The following ARSB variants were observed in gnomAD, a reference collection of about 807,000 sequenced individuals.
The protein encoded by ARSB is N-acetylgalactosamine-4-sulfatase.
ARSB carries 41 observed loss-of-function variants against 50.9 expected under a neutral mutation model. That is an observed-to-expected ratio of 0.81 (90% CI 0.63 to 1.04). The LOEUF (loss-of-function observed/expected upper bound fraction) is 1.04. Among genes scored for constraint, ARSB ranks in the 50% least tolerant of loss-of-function variants. ARSB has a pLI of 0.00. For missense variants in ARSB, 672 were observed against 693.3 expected, an observed-to-expected ratio of 0.97 and a Z score of 0.35; for synonymous variants, 269 against 284.8, an observed-to-expected ratio of 0.94 and a Z score of 0.56.
intron 6 of ARSB, among the ~76,000 whole-genome samples, chr5:78,830,449 T>C (rs1384327525): frequency 1.3e-5 from 2 of 152,174 alleles, no homozygotes; most frequent in Non-Finnish European, 2.9e-5. Context: ...AAACATAAAA[T>C]TGGGGCAGCG....
intron 4 of ARSB, among the ~76,000 whole-genome samples, chr5:78,917,938 C>A (rs1369451874): frequency 6.6e-6 from 1 of 152,186 alleles, no homozygotes. Context: ...AGAGAACAGA[C>A]CAAGAGACAG....
At chr5:78,802,900 T>A (rs1743445449) in intron 6 of ARSB, among the ~76,000 whole-genome samples, 2 of 152,218 alleles carry the variant, frequency 1.3e-5, no homozygotes, top group South Asian at 4.1e-4. Flanking sequence ...AGGATAAAAC[T>A]GTGGTCCTAC....
intron 6 of ARSB, among the ~76,000 whole-genome samples, chr5:78,791,271 T>C (rs544237525): frequency 4.1e-4 from 63 of 152,368 alleles, no homozygotes; most frequent in African/African-American, 1.5e-3. Context: ...ACAGGCAAGA[T>C]TTAGGTTTAA....
intron 5 of ARSB, among the ~76,000 whole-genome samples, chr5:78,853,048 T>C (rs892313496): frequency 1.2e-4 from 19 of 152,240 alleles, no homozygotes; most frequent in African/African-American, 4.3e-4. Context: ...AAGCCTTCTT[T>C]TCTCAACTCG....
intron 6 of ARSB, among the ~76,000 whole-genome samples, chr5:78,838,232 T>C (rs1406127313): frequency 6.6e-6 from 1 of 152,146 alleles, no homozygotes. Flanking sequence ...CTGGAAAGCA[T>C]TCACAGAGGG....
intron 4 of ARSB, among the ~76,000 whole-genome samples, chr5:78,929,671 T>C (rs1750222973): frequency 6.6e-6 from 1 of 151,534 alleles, no homozygotes; most frequent in Non-Finnish European, 1.5e-5. Flanking sequence ...TGGGTGCCTG[T>C]AATCCCAGCT....
chr5:78,851,235 G>T (rs1419096397), intron 5 of ARSB, among the ~76,000 whole-genome samples: 1 of 152,150 alleles, frequency 6.6e-6, no homozygotes, highest in Non-Finnish European at 1.5e-5. Flanking sequence ...CTTTGAATGT[G>T]TCCCAGAGAT....
At chr5:78,806,890 A>C (rs926411974) in intron 6 of ARSB, among the ~76,000 whole-genome samples, 2 of 152,208 alleles carry the variant, frequency 1.3e-5, no homozygotes, top group Admixed American at 6.5e-5. Flanking sequence ...AGAACTCTAC[A>C]GTTCCATTTA....
intron 6 of ARSB, among the ~76,000 whole-genome samples, chr5:78,801,094 C>T (rs1743377743): frequency 6.6e-6 from 1 of 152,118 alleles, no homozygotes; most frequent in African/African-American, 2.4e-5. Flanking sequence ...GAACTTTATT[C>T]AGTAGGTACT....
intron 5 of ARSB, among the ~76,000 whole-genome samples, chr5:78,861,166 C>T (rs1432444783): frequency 2.0e-5 from 3 of 152,128 alleles, no homozygotes; most frequent in Admixed American, 1.3e-4. Flanking sequence ...GATTCACAGC[C>T]GAATTCTACC....
At chr5:78,830,058 T>C (rs1413050087) in intron 6 of ARSB, among the ~76,000 whole-genome samples, 1 of 152,350 alleles carries the variant, frequency 6.6e-6, no homozygotes, top group East Asian at 1.9e-4. Flanking sequence ...GTTTGGAAGT[T>C]AGTCTGCTTT....
intron 5 of ARSB, among the ~76,000 whole-genome samples, chr5:78,851,809 A>T (rs1255013504): frequency 6.6e-6 from 1 of 152,134 alleles, no homozygotes; most frequent in Non-Finnish European, 1.5e-5. Flanking sequence ...CTTTACCATT[A>T]TGTAATGGCC....
intron 3 of ARSB, among the ~76,000 whole-genome samples, chr5:78,963,224 C>T (rs1366886301): frequency 6.6e-6 from 1 of 152,226 alleles, no homozygotes; most frequent in Non-Finnish European, 1.5e-5. Context: ...AGCTCAACTT[C>T]ACCTTCCATT....
At position 78,786,491 on chromosome 5, in the gene ARSB, T is replaced by A. The variant is rs748927781; in HGVS notation, c.1214-4517A>T. Among the ~76,000 whole-genome samples the A allele has an allele frequency of 4.6e-5, 7 of 152,350 alleles. No homozygotes were observed. In the East Asian group the frequency reaches 1.2e-3, roughly 25 times the overall value. ...CATTCATGTACAATTTCAGTGTGGA[T>A]GTACATCTTCACCTCTCTTGGGTAT... On this transcript the variant is annotated intron_variant, in intron 6 of 7. Coordinates refer to ENST00000264914, the MANE Select transcript of ARSB (RefSeq NM_000046.5).
chr5:78,854,183 T>C (rs1581046327), intron 5 of ARSB, among the ~76,000 whole-genome samples: 1 of 152,268 alleles, frequency 6.6e-6, no homozygotes, highest in African/African-American at 2.4e-5. Flanking sequence ...ACCGGAGCTG[T>C]TCCTATTCAG....
intron 6 of ARSB, among the ~76,000 whole-genome samples, chr5:78,807,821 C>T (rs541442986): frequency 2.0e-5 from 3 of 152,212 alleles, no homozygotes; most frequent in East Asian, 3.9e-4. Context: ...AGGCCGGGCG[C>T]GGTGGCTCAC....
intron 4 of ARSB, among the ~76,000 whole-genome samples, chr5:78,928,305 CTTTTTTTTTTTTTTTT>C (rs34737292): frequency 2.8e-5 from 2 of 72,574 alleles, no homozygotes; most frequent in African/African-American, 5.0e-5. Flanking sequence ...TTTGCTTTTG[CTTTTTTTTTTTTTTTT>C]TTTTTTTTTT....
At chr5:78,824,230 G>A (rs187850288) in intron 6 of ARSB, among the ~76,000 whole-genome samples, 24 of 152,282 alleles carry the variant, frequency 1.6e-4, no homozygotes, top group Admixed American at 6.5e-4. Context: ...CCCAGTCTCA[G>A]ACATTCCTTT....
chr5:78,862,816 G>A (rs1746508537), intron 5 of ARSB, among the ~76,000 whole-genome samples: 1 of 152,102 alleles, frequency 6.6e-6, no homozygotes, highest in South Asian at 2.1e-4. Flanking sequence ...AAGTGAACAG[G>A]CAACCTACAG....
Sources: allele counts gnomAD v4.1 joint callset (sites outside exome capture counted in the v4.1 genomes callset), GRCh38; gene constraint gnomAD v4.1.1; transcripts MANE v1.5; gene names NCBI Gene and HGNC (gene_info 2026-07-23, HGNC 2026-07-21).